Variants in VSIG10L2 observed in about 807,000 individuals in gnomAD.
VSIG10L2 encodes the protein V-set and immunoglobulin domain containing 10 like 2.
Under a neutral mutation model 67.1 loss-of-function variants are expected in VSIG10L2, and 56 were observed. The ratio of observed to expected loss-of-function variants is 0.83; its 90% confidence interval spans 0.67 to 1.04. VSIG10L2 has a LOEUF of 1.04. Ranked by LOEUF, VSIG10L2 falls within the 50% of genes least tolerant of loss-of-function variation. VSIG10L2 has a pLI of 0.00. For missense variants in VSIG10L2, 843 were observed against 932.8 expected, an observed-to-expected ratio of 0.90 and a Z score of 1.25; for synonymous variants, 360 against 396.6, an observed-to-expected ratio of 0.91 and a Z score of 1.10.
At position 125,953,447 on chromosome 11, in the gene VSIG10L2, G is replaced by A. The variant is rs187523048; in HGVS notation, c.1543G>A (p.Gly515Arg). 16 of 1,232,356 alleles carry A rather than the reference G, an allele frequency of 1.3e-5. No homozygotes were observed. Among genetic ancestry groups the A allele is most frequent in the Middle Eastern group, 6.2e-4 (2 of 3,208 alleles). 76.3% of individuals were successfully genotyped at this position (1,232,356 alleles called of 1,614,324 possible). A position where few individuals can be genotyped will look rare whatever the true frequency, so the allele number is the denominator to read the frequency against. Residue 515 changes from glycine to arginine, a missense_variant, in exon 7 of 12, where the codon GGG (glycine) becomes AGG (arginine). Gly to Arg is a moderately radical substitution (Grantham distance 125, BLOSUM62 -2). Coordinates refer to ENST00000686984, the MANE Select transcript of VSIG10L2 (RefSeq NM_001365077.2). Reference sequence around the variant, plus strand: ...TGAGCCCCGCGTGTCAGTGTTGGAGGGGGGAGAGGCCTGGCTGGAGTGCTC... The same window carrying A: ...TGAGCCCCGCGTGTCAGTGTTGGAGAGGGGAGAGGCCTGGCTGGAGTGCTC... ...VAEPRVSVLE[G>R]GEAWLECSLR...
intron 1 of VSIG10L2, among the ~76,000 whole-genome samples, chr11:125,947,160 C>G (rs946440460): frequency 2.6e-5 from 4 of 152,122 alleles, no homozygotes; most frequent in Admixed American, 2.0e-4. Context: ...TTGCTGCAAT[C>G]AACTGGAACA....
intron 7 of VSIG10L2, among the ~76,000 whole-genome samples, 185 bp downstream of exon 7, chr11:125,953,875 C>G (rs1441093493): frequency 6.6e-6 from 1 of 152,210 alleles, no homozygotes; most frequent in South Asian, 2.1e-4. Context: ...GCTGCACTCA[C>G]GGCAAACAGA....
chr11:125,950,983 T>C lies in VSIG10L2; in HGVS notation c.1059T>C (p.Pro353=). 2 of 1,232,420 alleles carry C rather than the reference T, an allele frequency of 1.6e-6. No individual in the cohort carries two copies. The highest frequency in any genetic ancestry group is 1.0e-6 in the Non-Finnish European group (1 of 988,210). 76.3% of individuals were successfully genotyped at this position (1,232,420 alleles called of 1,614,324 possible). A position where few individuals can be genotyped will look rare whatever the true frequency, so the allele number is the denominator to read the frequency against. ...CTGTGACCCTGCTCTGTGCCTGGCC[T>C]GGGGGGCTTCCGCCTGCCCAACTGC... The part of the protein sequence containing the change: ...PEAVTLLCAW[P]GGLPPAQLQW... The change falls in exon 5 of 12, where the codon CCT becomes CCC. Residue 353 remains proline, a synonymous_variant. Coordinates refer to ENST00000686984, the MANE Select transcript of VSIG10L2 (RefSeq NM_001365077.2).
chr11:125,954,165 C>T lies in VSIG10L2; in HGVS notation c.1865C>T (p.Ala622Val). ...CGGAGAGAGGTGCAGCTTCAATGGG[C>T]CATCTTAGGACCCGGGAACCTGACG... ...RHRREVQLQW[A>V]ILGPGNLTGF... Residue 622 changes from alanine to valine, a missense_variant, in exon 8 of 12, where the codon GCC becomes GTC. Around this residue, in one of 2 missense-constraint regions of VSIG10L2, gnomAD observed 397 missense variants for 384.4 expected, o/e 1.03. Coordinates refer to ENST00000686984, the MANE Select transcript of VSIG10L2 (RefSeq NM_001365077.2). The T allele has an allele frequency of 8.1e-7, 1 of 1,232,244 alleles. No homozygotes were observed. Among genetic ancestry groups the T allele is most frequent in the African/African-American group, 1.5e-5 (1 of 64,540 alleles). 76.3% of individuals were successfully genotyped at this position (1,232,244 alleles called of 1,614,324 possible). A position where few individuals can be genotyped will look rare whatever the true frequency, so the allele number is the denominator to read the frequency against.
rs1945359657 is a variant in VSIG10L2, at chr11:125,950,957, G to A, written c.1033G>A (p.Ala345Thr). 8.1e-7 allele frequency: 1 copy of A among 1,232,372 alleles called. No individual in the cohort carries two copies. The highest frequency in any genetic ancestry group is 1.0e-6 in the Non-Finnish European group (1 of 988,152). 76.3% of individuals were successfully genotyped at this position (1,232,372 alleles called of 1,614,324 possible). Residue 345 changes from alanine (A) to threonine (T), a missense_variant, in exon 5 of 12, where the codon GCT becomes ACT. This residue lies in a region of VSIG10L2 where 446 missense variants were observed against 548.4 expected (regional missense o/e 0.81). Transcript: ENST00000686984. ...CTGTGCAGTGCATCCCAGCCCTGAG[G>A]CTGTGACCCTGCTCTGTGCCTGGCC... ...PSCAVHPSPE[A>T]VTLLCAWPGG...
Position 125,951,146 on chromosome 11 carries a change from A to G in VSIG10L2, c.1222A>G (p.Thr408Ala). 1 of 1,232,906 alleles carries G rather than the reference A, an allele frequency of 8.1e-7. No individual in the cohort carries two copies. The highest frequency in any genetic ancestry group is 1.5e-5 in the African/African-American group (1 of 64,548). The allele number at this position is 1,232,906 out of a possible 1,614,324, so 76.4% of individuals were successfully genotyped here. Residue 408 changes from threonine (T) to alanine (A), a missense_variant, in exon 5 of 12, where the codon ACA becomes GCA. Coordinates refer to ENST00000686984, the MANE Select transcript of VSIG10L2 (RefSeq NM_001365077.2). ...HPALAPPALC[T>A]VMLWEPLGRP... ...AGCCCTGGCACCGCCTGCCCTCTGC[A>G]CAGTCATGCTCTGTGAGTGGACACA... is the stretch of plus-strand genomic sequence containing the variant.
rs1297468228 is a variant in VSIG10L2 at position 125,946,079 on chromosome 11, C to T, written c.24C>T (p.His8=). ...CCATGGTGGGTCAGAGGGCCCAGCA[C>T]AGCCCAGTCAGCCTCCTGCTGCTGA... The part of the protein sequence containing the change: MVGQRAQ[H]SPVSLLLLIH... The change falls in exon 1 of 12, where the codon CAC becomes CAT. Residue 8 remains histidine, a synonymous_variant. Transcript: ENST00000686984. This position sits in a 1 kb window ranked among gnomAD's most constrained non-coding sequence, Gnocchi z 4.4. The T allele has an allele frequency of 5.0e-6, 2 of 399,008 alleles. No individual in the cohort carries two copies. Among genetic ancestry groups the T allele is most frequent in the East Asian group, 3.6e-5 (1 of 28,078 alleles). The allele number at this position is 399,008 out of a possible 1,614,324, so 24.7% of individuals were successfully genotyped here.
At chr11:125,947,574 T>C in intron 1 of VSIG10L2, 112 bp from the exon 2 acceptor site, 1 of 1,231,082 alleles carries the variant, frequency 8.1e-7, no homozygotes, top group African/African-American at 1.5e-5. Flanking sequence ...TCCTGAACCC[T>C]GCCTGGGCCG....
intron 6 of VSIG10L2, among the ~76,000 whole-genome samples, chr11:125,952,417 A>AT (rs1268461635): frequency 2.0e-5 from 3 of 152,256 alleles, no homozygotes; most frequent in Non-Finnish European, 2.9e-5. Flanking sequence ...ACATGTAATA[A>AT]TAAAAATTAT....
chr11:125,950,493 G>A (rs1378177305), intron 4 of VSIG10L2, among the ~76,000 whole-genome samples: 1 of 152,110 alleles, frequency 6.6e-6, no homozygotes, highest in African/African-American at 2.4e-5. Flanking sequence ...GAAGGGGAAG[G>A]GGAAGGGAGG....
chr11:125,948,198 G>A (rs1463066118), intron 2 of VSIG10L2, 107 bp from the exon 3 acceptor site: 26 of 1,231,696 alleles, frequency 2.1e-5, no homozygotes, highest in Non-Finnish European at 2.6e-5. Context: ...GATGGTCAGG[G>A]TGGGTGGGCT....
Position 125,947,667 on chromosome 11 carries a change from A to G in VSIG10L2, c.83-19A>G, listed in dbSNP as rs1442574224. 4.1e-6 allele frequency: 5 copies of G among 1,232,294 alleles called. No homozygotes were observed. Among genetic ancestry groups the G allele is most frequent in the Middle Eastern group, 3.1e-4 (1 of 3,234 alleles). The allele number at this position is 1,232,294 out of a possible 1,614,324, so 76.3% of individuals were successfully genotyped here. ...CCCAGAGCAGCCCAGAAGTCCTGCT[A>G]TGCCCCTTCTCTCCCCAGGCCAGCC... On this transcript the variant is annotated intron_variant, in intron 1 of 11. Coordinates refer to ENST00000686984, the MANE Select transcript of VSIG10L2 (RefSeq NM_001365077.2).
Position 125,947,874 on chromosome 11 carries a change from G to A in VSIG10L2, c.271G>A (p.Glu91Lys), listed in dbSNP as rs903754426. Reference protein sequence around the residue: ...AVTDGAMSKVEAIASALGVVS... With the variant: ...AVTDGAMSKVKAIASALGVVS... Reference sequence around the variant, plus strand: ...CACCGATGGAGCCATGTCCAAGGTGGAGGCCATCGCCTCGGCTCTGGGAGT... The same window carrying A: ...CACCGATGGAGCCATGTCCAAGGTGAAGGCCATCGCCTCGGCTCTGGGAGT... Residue 91 changes from glutamate to lysine, a missense_variant, in exon 2 of 12, where the codon GAG becomes AAG. Coordinates refer to ENST00000686984, the MANE Select transcript of VSIG10L2 (RefSeq NM_001365077.2). The A allele has an allele frequency of 8.1e-6, 10 of 1,232,350 alleles. No individual in the cohort carries two copies. The highest frequency in any genetic ancestry group is 4.2e-5 in the Admixed American group (1 of 23,732). The allele number at this position is 1,232,350 out of a possible 1,614,324, so 76.3% of individuals were successfully genotyped here.
rs892105340 is a variant in VSIG10L2 at position 125,946,675 on chromosome 11, T to C, written c.82+538T>C. On this transcript the variant is annotated intron_variant, in intron 1 of 11. Coordinates refer to ENST00000686984, the MANE Select transcript of VSIG10L2 (RefSeq NM_001365077.2). The surrounding 1 kb of genome is among the most constrained non-coding windows in gnomAD (Gnocchi z 4.4). ...GCCTCAGCCTACCAAGTAGCTGGGA[T>C]TACAGGTGTGTGCCACCATGCCCAG... 6.6e-6 allele frequency among the ~76,000 whole-genome samples: 1 copy of C among 152,014 alleles called. No individual in the cohort carries two copies. The highest frequency in any genetic ancestry group is 1.5e-5 in the Non-Finnish European group (1 of 67,996).
rs922252896 is a variant in VSIG10L2 at position 125,954,140 on chromosome 11, C to T, written c.1840C>T (p.Arg614Trp). 21 of 1,232,128 alleles carry T rather than the reference C, an allele frequency of 1.7e-5. No homozygotes were observed. The highest frequency in any genetic ancestry group is 1.6e-4 in the South Asian group (4 of 24,314). The allele number at this position is 1,232,128 out of a possible 1,614,324, so 76.3% of individuals were successfully genotyped here. A position where few individuals can be genotyped will look rare whatever the true frequency, so the allele number is the denominator to read the frequency against. ...TISRLTYGRH[R>W]REVQLQWAIL... ...CAGCCGCCTGACCTACGGGAGGCAC[C>T]GGAGAGAGGTGCAGCTTCAATGGGC... The change falls in exon 8 of 12, where the codon CGG becomes TGG. Residue 614 changes from arginine to tryptophan, a missense_variant. Transcript: ENST00000686984.
intron 6 of VSIG10L2, 139 bp downstream of exon 6, chr11:125,952,212 T>C (rs1230114167): frequency 8.2e-7 from 1 of 1,213,780 alleles, no homozygotes; most frequent in African/African-American, 1.5e-5. Flanking sequence ...AGGAGGTAGT[T>C]AGGAGCTGAG....
At chr11:125,951,319 C>T (rs993116017) in intron 5 of VSIG10L2, among the ~76,000 whole-genome samples, 161 bp downstream of exon 5, 1 of 152,134 alleles carries the variant, frequency 6.6e-6, no homozygotes, top group Non-Finnish European at 1.5e-5. Context: ...GCTCTCAGTC[C>T]CCATCTCCCA....
At chr11:125,952,321 T>C (rs1945388993) in intron 6 of VSIG10L2, among the ~76,000 whole-genome samples, 1 of 152,218 alleles carries the variant, frequency 6.6e-6, no homozygotes, top group Non-Finnish European at 1.5e-5. Flanking sequence ...ATATGTGATT[T>C]AAAATATTCT....
intron 5 of VSIG10L2, 144 bp downstream of exon 5, chr11:125,951,302 G>C (rs201527205): frequency 5.4e-6 from 4 of 739,526 alleles, no homozygotes; most frequent in Admixed American, 8.6e-5. Flanking sequence ...GAGGTGGGCG[G>C]CACTCAGCTC....
Sources: gnomAD v4.1 joint callset for allele counts (sites outside exome capture counted in the v4.1 genomes callset) on GRCh38, gnomAD v4.1.1 for gene constraint, gnomAD v4.1.1 regional missense constraint, Gnocchi (gnomAD v3.1) non-coding constraint, MANE v1.5 for transcripts, NCBI Gene and HGNC (gene_info 2026-07-23, HGNC 2026-07-21) for gene names.